Variants in RTF2 observed in about 807,000 individuals in gnomAD.
RTF2 encodes UPF0549 protein C20orf43.
RTF2 carries 18 observed loss-of-function variants against 38.0 expected under a neutral mutation model. The ratio of observed to expected loss-of-function variants is 0.47; its 90% confidence interval spans 0.33 to 0.70. RTF2 has a LOEUF of 0.70. RTF2 is among the 30% of genes least tolerant of loss of function. The pLI, the probability that RTF2 is intolerant of heterozygous loss-of-function variation, is 0.02. For synonymous variants in RTF2, 126 were observed against 137.1 expected (o/e 0.92, Z 0.57); for missense variants, 311 against 379.6 (o/e 0.82, Z 1.50).
At chr20:56,504,852 A>G (rs1008330584) in intron 5 of RTF2, among the ~76,000 whole-genome samples, 1 of 152,250 alleles carries the variant, frequency 6.6e-6, no homozygotes, top group Non-Finnish European at 1.5e-5. Context: ...GGTCAGATGA[A>G]TACAGATTCT....
intron 5 of RTF2, among the ~76,000 whole-genome samples, chr20:56,502,864 T>C (rs1325617914): frequency 6.6e-6 from 1 of 152,148 alleles, no homozygotes; most frequent in African/African-American, 2.4e-5. Flanking sequence ...AGGGCCCCAG[T>C]GTTAGGCTCA....
intron 5 of RTF2, among the ~76,000 whole-genome samples, chr20:56,502,558 C>T (rs1983990055): frequency 6.6e-6 from 1 of 152,112 alleles, no homozygotes; most frequent in South Asian, 2.1e-4. Flanking sequence ...GGCAGCATCC[C>T]ATATATACTC....
chr20:56,475,295 A>G (rs903757071), intron 3 of RTF2, among the ~76,000 whole-genome samples: 6 of 152,202 alleles, frequency 3.9e-5, no homozygotes, highest in African/African-American at 1.4e-4. Flanking sequence ...GAATTTGAGA[A>G]CCATCAGGCT....
chr20:56,486,847 G>T (rs1358510116), intron 5 of RTF2, among the ~76,000 whole-genome samples: 3 of 152,120 alleles, frequency 2.0e-5, no homozygotes, highest in African/African-American at 7.2e-5. Flanking sequence ...CAGTGCTCAT[G>T]GGGCAGAAGC....
intron 4 of RTF2, among the ~76,000 whole-genome samples, chr20:56,483,496 A>C (rs907789662): frequency 2.2e-4 from 33 of 151,802 alleles, no homozygotes; most frequent in African/African-American, 7.8e-4. Context: ...CTAAGTTTTT[A>C]AAAAGATTTT....
chr20:56,516,939 CAAAG>C lies in RTF2; in HGVS notation c.600_603del (p.Lys200AsnfsTer49). 10 of 1,613,852 alleles carry C rather than the reference CAAAG, an allele frequency of 6.2e-6. No homozygotes were observed. Among genetic ancestry groups the C allele is most frequent in the East Asian group, 2.2e-5 (1 of 44,886 alleles). Reference sequence around the variant, plus strand: ...ACATTCTCTATCTTTTTGTAGAAAACAAAGAAACCCAAGGCAGCAGAGTCTGTTT... The same window carrying C: ...ACATTCTCTATCTTTTTGTAGAAAACAAACCCAAGGCAGCAGAGTCTGTTT... On this transcript the variant is annotated frameshift_variant, in exon 7 of 9. Transcript: ENST00000357348. LOFTEE classifies it high-confidence loss of function.
chr20:56,476,130 A>G (rs1310917385), intron 3 of RTF2, among the ~76,000 whole-genome samples: 1 of 152,234 alleles, frequency 6.6e-6, no homozygotes, highest in African/African-American at 2.4e-5. Flanking sequence ...AAAGTTGGGA[A>G]TTCTTGAAAA....
Position 56,497,231 on chromosome 20 carries a change from C to T in RTF2, c.477+13042C>T, listed in dbSNP as rs187791157. ...GAGGTACATAAATAGCTCTGAGAAG[C>T]TGCACAAACATGGCCAGCTCCTTAT... On this transcript the variant is annotated intron_variant, in intron 5 of 8. Transcript: ENST00000357348. 5.3e-5 allele frequency: 82 copies of T among 1,551,830 alleles called. 1 individual carries two copies. In the Admixed American group the frequency reaches 8.6e-4, roughly 16 times the overall value.
intron 5 of RTF2, among the ~76,000 whole-genome samples, chr20:56,490,516 A>G (rs1227287239): frequency 6.6e-6 from 1 of 152,222 alleles, no homozygotes; most frequent in Non-Finnish European, 1.5e-5. Context: ...ACATGTGCCT[A>G]TTTAAAGGTA....
At chr20:56,499,030 G>A (rs969792628) in intron 5 of RTF2, among the ~76,000 whole-genome samples, 6 of 151,966 alleles carry the variant, frequency 3.9e-5, no homozygotes, top group African/African-American at 1.5e-4. Context: ...TATTTTCATC[G>A]TACAGTTTAT....
chr20:56,486,595 C>T (rs1982803906), intron 5 of RTF2, among the ~76,000 whole-genome samples: 1 of 151,942 alleles, frequency 6.6e-6, no homozygotes, highest in South Asian at 2.1e-4. Context: ...GTTACAGTGA[C>T]CCAAGATTGT....
intron 1 of RTF2, chr20:56,472,387 A>G: frequency 6.5e-7 from 1 of 1,546,660 alleles, no homozygotes; most frequent in Non-Finnish European, 8.7e-7. Flanking sequence ...AAAAACAAGA[A>G]CGGGAAGGAG....
intron 5 of RTF2, chr20:56,496,722 A>T: frequency 1.3e-6 from 2 of 1,552,020 alleles, no homozygotes; most frequent in South Asian, 1.2e-5. Flanking sequence ...TTTTGCATGG[A>T]TGTCAGTCAG....
chr20:56,489,710 G>C (rs751856520), intron 5 of RTF2, among the ~76,000 whole-genome samples: 21 of 152,248 alleles, frequency 1.4e-4, no homozygotes, highest in Non-Finnish European at 2.4e-4. Context: ...ATGTGACTGG[G>C]TGTACCACGG....
chr20:56,515,657 C>G (rs1279656465), intron 6 of RTF2: 1 of 127,680 alleles, frequency 7.8e-6, no homozygotes, highest in African/African-American at 3.1e-5. Context: ...GATTCTGTCT[C>G]AGACAGAGAC....
chr20:56,480,955 C>G (rs149830125), intron 4 of RTF2, among the ~76,000 whole-genome samples: 24 of 152,242 alleles, frequency 1.6e-4, no homozygotes, highest in South Asian at 4.2e-4. Flanking sequence ...TGAGAATTAC[C>G]AAAATGTGAC....
In RTF2 at chr20:56,519,425, G is replaced by A. The variant is rs1985258289; in HGVS notation, c.*1160G>A. 1.3e-5 allele frequency: 2 copies of A among 152,096 alleles called. No individual in the cohort carries two copies. Among genetic ancestry groups the A allele is most frequent in the Admixed American group, 1.3e-4 (2 of 15,266 alleles). 9.4% of individuals were successfully genotyped at this position (152,096 alleles called of 1,614,324 possible). A position where few individuals can be genotyped will look rare whatever the true frequency, so the allele number is the denominator to read the frequency against. ...GATATTTTGACATTGTGAGTATAGA[G>A]CATTTTAATAAAAATTAAGTGATGC... is the stretch of plus-strand genomic sequence containing the variant. On this transcript the variant is annotated 3_prime_UTR_variant, in exon 9 of 9. Coordinates refer to ENST00000357348, the MANE Select transcript of RTF2 (RefSeq NM_016407.5).
intron 5 of RTF2, chr20:56,497,111 A>T (rs1428559175): frequency 6.4e-7 from 1 of 1,551,686 alleles, no homozygotes; most frequent in South Asian, 1.2e-5. Context: ...TCTTGGAGGA[A>T]ATAAAAACGT....
Position 56,505,764 on chromosome 20 carries a change from C to T in RTF2, c.478-7551C>T, listed in dbSNP as rs75507264. On this transcript the variant is annotated intron_variant, in intron 5 of 8. Transcript: ENST00000357348. The stretch of plus-strand genomic sequence containing the variant: ...CAACACAAGAAGCAAACATACTAGA[C>T]GAGCTGAGCCACCCATTTCTATTGG... Among the ~76,000 whole-genome samples, 128 of 152,160 alleles carry T rather than the reference C, an allele frequency of 8.4e-4. No homozygotes were observed. In the East Asian group the frequency reaches 0.022, roughly 26 times the overall value.
Sources: gnomAD v4.1 joint callset for allele counts (sites outside exome capture counted in the v4.1 genomes callset) on GRCh38, gnomAD v4.1.1 for gene constraint, MANE v1.5 for transcripts, NCBI Gene and HGNC (gene_info 2026-07-23, HGNC 2026-07-21) for gene names.